RAB18: variants seen among roughly 807,000 people sequenced by gnomAD.
The protein encoded by RAB18 is ras-related protein Rab-18.
Under a neutral mutation model 28.5 loss-of-function variants are expected in RAB18, and 10 were observed. That is an observed-to-expected ratio of 0.35 (90% CI 0.22 to 0.60). The LOEUF (loss-of-function observed/expected upper bound fraction) is 0.60, where lower values mean the gene tolerates loss of function less well. Among genes scored for constraint, RAB18 ranks in the 20% least tolerant of loss-of-function variants. The pLI is 0.78. For missense variants in RAB18, 188 were observed against 244.2 expected, an observed-to-expected ratio of 0.77 and a Z score of 1.53; for synonymous variants, 93 against 86.9, an observed-to-expected ratio of 1.07 and a Z score of -0.39.
rs1254786232 is a variant in RAB18 at position 27,514,541 on chromosome 10, A to G, written c.124+4611A>G. Among the ~76,000 whole-genome samples the G allele has an allele frequency of 2.0e-5, 3 of 152,284 alleles. No individual in the cohort carries two copies. The East Asian group carries it at 5.8e-4, about 29-fold the overall frequency. ...AGAACTGTGGAAAATACAATAAGAGACAGAGTCTAGAAATGGAAAAAGGTA... is the reference window on the plus strand; with the variant it reads ...AGAACTGTGGAAAATACAATAAGAGGCAGAGTCTAGAAATGGAAAAAGGTA... On this transcript the variant is annotated intron_variant, in intron 2 of 6. Transcript: ENST00000356940.
At chr10:27,530,659 C>G (rs990643279) in intron 3 of RAB18, among the ~76,000 whole-genome samples, 1 of 151,818 alleles carries the variant, frequency 6.6e-6, no homozygotes, top group African/African-American at 2.4e-5. Context: ...GGTACTAGTA[C>G]AAGGCTATGA....
At chr10:27,511,800 G>C (rs993019214) in intron 2 of RAB18, among the ~76,000 whole-genome samples, 1 of 152,116 alleles carries the variant, frequency 6.6e-6, no homozygotes, top group Non-Finnish European at 1.5e-5. Context: ...TTGCCCTCCT[G>C]TTGTAGCATC....
intron 1 of RAB18, among the ~76,000 whole-genome samples, chr10:27,507,610 C>G (rs935899983): frequency 6.7e-6 from 1 of 148,250 alleles, no homozygotes; most frequent in Non-Finnish European, 1.5e-5. Flanking sequence ...GTTATAATCA[C>G]ACTCTGTTTA....
chr10:27,509,164 C>G (rs1023529614), intron 1 of RAB18, among the ~76,000 whole-genome samples: 2 of 152,142 alleles, frequency 1.3e-5, no homozygotes, highest in Non-Finnish European at 2.9e-5. Context: ...CTTGCCATAA[C>G]CATGGCGGTT....
At chr10:27,520,933 A>G (rs868106153) in intron 2 of RAB18, among the ~76,000 whole-genome samples, 1 of 148,756 alleles carries the variant, frequency 6.7e-6, no homozygotes, top group Admixed American at 6.7e-5. Context: ...AAAAAAAAAA[A>G]AAAAAAAAGA....
chr10:27,540,597 C>T lies in RAB18; in HGVS notation c.*2546C>T, dbSNP rs1049752110. On this transcript the variant is annotated 3_prime_UTR_variant, in exon 7 of 7. Transcript: ENST00000356940. ...AAGTTAAGGTAGTGGAGTAGGTGGT[C>T]TTATTTCTTTCACCTGCTCAGAGTG... 1 of 453,928 alleles carries T rather than the reference C, an allele frequency of 2.2e-6. No individual in the cohort carries two copies. Among genetic ancestry groups the T allele is most frequent in the African/African-American group, 2.0e-5 (1 of 50,000 alleles). 28.1% of individuals were successfully genotyped at this position (453,928 alleles called of 1,614,324 possible).
chr10:27,509,388 C>T (rs1199190381), intron 1 of RAB18, among the ~76,000 whole-genome samples: 7 of 152,110 alleles, frequency 4.6e-5, no homozygotes, highest in African/African-American at 1.4e-4. Context: ...AGGTAGTAGC[C>T]GTACTGCGTG....
At chr10:27,529,205 C>A (rs1834739693) in intron 3 of RAB18, among the ~76,000 whole-genome samples, 1 of 151,504 alleles carries the variant, frequency 6.6e-6, no homozygotes, top group Non-Finnish European at 1.5e-5. Flanking sequence ...CATTTACCTT[C>A]CAATATTGTT....
chr10:27,507,410 A>G (rs1468472024), intron 1 of RAB18, among the ~76,000 whole-genome samples: 3 of 152,180 alleles, frequency 2.0e-5, no homozygotes, highest in Admixed American at 1.3e-4. Flanking sequence ...GAAACCTCTC[A>G]GACCCTAAAT....
At chr10:27,522,510 T>C (rs1230220417) in intron 2 of RAB18, among the ~76,000 whole-genome samples, 1 of 152,168 alleles carries the variant, frequency 6.6e-6, no homozygotes, top group African/African-American at 2.4e-5. Flanking sequence ...TCTGCCAATC[T>C]TTTGATAGGA....
In RAB18 at chr10:27,531,425, C is replaced by A. The variant is rs1834785551; in HGVS notation, c.187-1082C>A. ...ACAGGTTATTCTAACATTTTTATAT[C>A]TGGGGGAGCTTCTGCTTGTCCCATA... On this transcript the variant is annotated intron_variant, in intron 3 of 6. Coordinates refer to ENST00000356940, the MANE Select transcript of RAB18 (RefSeq NM_021252.5). 5 of 1,429,530 alleles carry A rather than the reference C, an allele frequency of 3.5e-6. No individual in the cohort carries two copies. The South Asian group carries it at 7.8e-5, about 22-fold the overall frequency. The allele number at this position is 1,429,530 out of a possible 1,614,324, so 88.6% of individuals were successfully genotyped here. A position where few individuals can be genotyped will look rare whatever the true frequency, so the allele number is the denominator to read the frequency against.
At chr10:27,533,654 C>G (rs566389020) in intron 4 of RAB18, 81 bp from the exon 5 acceptor site, 5 of 1,553,506 alleles carry the variant, frequency 3.2e-6, no homozygotes, top group South Asian at 1.1e-5. Flanking sequence ...CTTAGTAATG[C>G]TAACTCCTAG....
chr10:27,513,651 C>A (rs189339065), intron 2 of RAB18, among the ~76,000 whole-genome samples: 1 of 152,096 alleles, frequency 6.6e-6, no homozygotes, highest in Non-Finnish European at 1.5e-5. Context: ...AGTTAAAAAC[C>A]CCAAGCCACA....
At chr10:27,522,555 G>A (rs1050618075) in intron 2 of RAB18, among the ~76,000 whole-genome samples, 1 of 152,060 alleles carries the variant, frequency 6.6e-6, no homozygotes, top group African/African-American at 2.4e-5. Flanking sequence ...ATACCAATAA[G>A]GAAGGACTTC....
chr10:27,526,806 T>C lies in RAB18; in HGVS notation c.125-22T>C, dbSNP rs369906052. The C allele has an allele frequency of 9.9e-6, 16 of 1,612,656 alleles. No homozygotes were observed. In the East Asian group the frequency reaches 1.1e-4, roughly 11 times the overall value. On this transcript the variant is annotated intron_variant, in intron 2 of 6. Transcript: ENST00000356940. ...AAAGTCTGTTTTACTGGGAGACTTA[T>C]CAAAATTTTCATTTCTTTAAGGTGT...
chr10:27,518,348 T>C (rs1834480585), intron 2 of RAB18, among the ~76,000 whole-genome samples: 1 of 152,196 alleles, frequency 6.6e-6, no homozygotes, highest in Non-Finnish European at 1.5e-5. Flanking sequence ...CATTTTTACA[T>C]TCCCACTAGC....
At chr10:27,507,226 T>A (rs1307278307) in intron 1 of RAB18, among the ~76,000 whole-genome samples, 3 of 143,852 alleles carry the variant, frequency 2.1e-5, no homozygotes, top group Non-Finnish European at 4.5e-5. Context: ...AAAGGATATG[T>A]TTAATCCGAA....
At chr10:27,518,716 G>A (rs1834487236) in intron 2 of RAB18, among the ~76,000 whole-genome samples, 1 of 151,870 alleles carries the variant, frequency 6.6e-6, no homozygotes, top group Admixed American at 6.6e-5. Flanking sequence ...CCAGTCTCTG[G>A]CTTGTTTTTT....
At chr10:27,511,083 C>T (rs1013603547) in intron 2 of RAB18, among the ~76,000 whole-genome samples, 1 of 152,172 alleles carries the variant, frequency 6.6e-6, no homozygotes, top group African/African-American at 2.4e-5. Context: ...TGTCTATACA[C>T]AGATTTTATC....
Sources: gnomAD v4.1 joint callset for allele counts (sites outside exome capture counted in the v4.1 genomes callset) on GRCh38, gnomAD v4.1.1 for gene constraint, MANE v1.5 for transcripts, NCBI Gene and HGNC (gene_info 2026-07-23, HGNC 2026-07-21) for gene names.